Variants in FGD4 observed in about 807,000 individuals in gnomAD.
The protein encoded by FGD4 is FYVE, RhoGEF and PH domain-containing protein 4.
Under a neutral mutation model 102.0 loss-of-function variants are expected in FGD4, and 42 were observed. The ratio of observed to expected loss-of-function variants is 0.41; its 90% CI spans 0.32 to 0.53. FGD4 has a LOEUF of 0.53. Ranked by LOEUF, FGD4 falls within the 20% of genes least tolerant of loss-of-function variation. The pLI, the probability that FGD4 is intolerant of heterozygous loss-of-function variation, is 0.21. For synonymous variants in FGD4, 380 were observed against 375.7 expected (o/e 1.01, Z -0.13); for missense variants, 902 against 1,078.2 (o/e 0.84, Z 2.29).
chr12:32,579,022 A>G (rs969368679), intron 3 of FGD4, among the ~76,000 whole-genome samples: 3 of 146,500 alleles, frequency 2.0e-5, no homozygotes. Context: ...ATGTTTCTAC[A>G]GACCTGAACA....
intron 3 of FGD4, among the ~76,000 whole-genome samples, chr12:32,577,423 G>T (rs1288342329): frequency 6.6e-6 from 1 of 152,192 alleles, no homozygotes; most frequent in Admixed American, 6.5e-5. Context: ...CTTATGTAAT[G>T]AAATCATAGC....
intron 1 of FGD4, among the ~76,000 whole-genome samples, chr12:32,550,626 G>A (rs1390707993): frequency 7.1e-6 from 1 of 140,606 alleles, no homozygotes; most frequent in Non-Finnish European, 1.5e-5. Flanking sequence ...AGCCATGACA[G>A]TGCCACTGCA....
Position 32,518,409 on chromosome 12 carries a change from C to T in FGD4, c.167-45728C>T, listed in dbSNP as rs1396574510. Among the ~76,000 whole-genome samples the T allele has an allele frequency of 3.3e-5, 5 of 152,064 alleles. No individual in the cohort carries two copies. In the East Asian group the frequency reaches 5.8e-4, roughly 18 times the overall value. On this transcript the variant is annotated intron_variant, in intron 1 of 16. Coordinates refer to ENST00000534526, the MANE Select transcript of FGD4 (RefSeq NM_001370298.3). The stretch of plus-strand genomic sequence containing the variant: ...AGGACAATCGCTTGAACCCGGTAGT[C>T]GGAGGTTGTGGTGAGCCAACATAGC...
At chr12:32,417,663 G>A (rs539876498) in intron 1 of FGD4, among the ~76,000 whole-genome samples, 1 of 151,832 alleles carries the variant, frequency 6.6e-6, no homozygotes, top group East Asian at 1.9e-4. Context: ...TCCTCATGTT[G>A]ACCAGGCTGG....
At chr12:32,472,915 G>T (rs1325312159) in intron 1 of FGD4, among the ~76,000 whole-genome samples, 1 of 152,010 alleles carries the variant, frequency 6.6e-6, no homozygotes. Context: ...GTAGCTCAAG[G>T]ATTGTAAATA....
At chr12:32,511,645 G>A (rs1939389383) in intron 1 of FGD4, among the ~76,000 whole-genome samples, 2 of 152,076 alleles carry the variant, frequency 1.3e-5, no homozygotes, top group African/African-American at 4.8e-5. Context: ...GTTAAATGAT[G>A]GCAGTAATAG....
At chr12:32,523,703 G>C (rs781104217) in intron 1 of FGD4, among the ~76,000 whole-genome samples, 7 of 152,228 alleles carry the variant, frequency 4.6e-5, no homozygotes, top group Non-Finnish European at 7.3e-5. Flanking sequence ...GGCCGGGTGC[G>C]GTGGCTCACG....
At chr12:32,519,206 T>C (rs1156266496) in intron 1 of FGD4, among the ~76,000 whole-genome samples, 1 of 151,432 alleles carries the variant, frequency 6.6e-6, no homozygotes, top group Non-Finnish European at 1.5e-5. Flanking sequence ...GACAAGTGTC[T>C]GTCAGTAAAT....
At chr12:32,444,448 A>G (rs1942553116) in intron 1 of FGD4, among the ~76,000 whole-genome samples, 1 of 152,010 alleles carries the variant, frequency 6.6e-6, no homozygotes, top group South Asian at 2.1e-4. Flanking sequence ...CTTGTTGCTC[A>G]GGCTGGAGTG....
At chr12:32,400,104 G>A in intron 1 of FGD4, 145 bp downstream of exon 1, 1 of 1,193,784 alleles carries the variant, frequency 8.4e-7, no homozygotes, top group South Asian at 1.7e-5. Flanking sequence ...GGCTGCGCTC[G>A]GCCACCCACT....
chr12:32,606,300 C>CT (rs11406212), intron 7 of FGD4, among the ~76,000 whole-genome samples: 55,363 of 151,730 alleles, frequency 0.36, 10,501 homozygotes, highest in Middle Eastern at 0.54. Flanking sequence ...TAGTTTCCCC[C>CT]GTCCCCCTAA....
chr12:32,521,390 A>AAAAAG (rs1940540969), intron 1 of FGD4, among the ~76,000 whole-genome samples: 1 of 151,500 alleles, frequency 6.6e-6, no homozygotes, highest in African/African-American at 2.4e-5. Context: ...AAAAAAAAAA[A>AAAAAG]GGACATTGCA....
At chr12:32,423,180 A>G (rs571987560) in intron 1 of FGD4, among the ~76,000 whole-genome samples, 10 of 152,310 alleles carry the variant, frequency 6.6e-5, no homozygotes, top group African/African-American at 2.4e-4. Context: ...TCTTTGGTTT[A>G]TTACTGGGTG....
chr12:32,552,944 ATTTTTTTTT>A (rs71068326), intron 1 of FGD4, among the ~76,000 whole-genome samples: 2 of 123,882 alleles, frequency 1.6e-5, no homozygotes, highest in African/African-American at 6.3e-5. Context: ...CGCCTGGCTA[ATTTTTTTTT>A]TTTTTTTTTT....
intron 1 of FGD4, among the ~76,000 whole-genome samples, chr12:32,452,976 AG>A (rs1942822996): frequency 6.6e-6 from 1 of 151,566 alleles, no homozygotes; most frequent in Non-Finnish European, 1.5e-5. Context: ...CAACAGAGTG[AG>A]ATTCTGTCTC....
chr12:32,561,070 G>GTTGTTTTTTTTTTT (rs1944513356), intron 1 of FGD4, among the ~76,000 whole-genome samples: 1 of 90,788 alleles, frequency 1.1e-5, no homozygotes, highest in Non-Finnish European at 2.2e-5. Context: ...TCTTTGTTGG[G>GTTGTTTTTTTTTTT]TTTTGTTTTT....
At chr12:32,456,431 A>G (rs920564392) in intron 1 of FGD4, among the ~76,000 whole-genome samples, 1 of 152,134 alleles carries the variant, frequency 6.6e-6, no homozygotes, top group Admixed American at 6.6e-5. Flanking sequence ...ATTTCTATTT[A>G]GTGGCTCACA....
chr12:32,546,032 GTC>G (rs990508782), intron 1 of FGD4, among the ~76,000 whole-genome samples: 1 of 152,070 alleles, frequency 6.6e-6, no homozygotes, highest in African/African-American at 2.4e-5. Flanking sequence ...ATGATACACT[GTC>G]TTTATTTTTG....
intron 1 of FGD4, among the ~76,000 whole-genome samples, chr12:32,410,288 A>T (rs376145503): frequency 7.9e-5 from 12 of 151,906 alleles, no homozygotes; most frequent in African/African-American, 2.9e-4. Context: ...AGATTGTGCC[A>T]CTGCACTCCA....
Sources: gnomAD v4.1 joint callset for allele counts (sites outside exome capture counted in the v4.1 genomes callset) on GRCh38, gnomAD v4.1.1 for gene constraint, MANE v1.5 for transcripts, NCBI Gene and HGNC (gene_info 2026-07-23, HGNC 2026-07-21) for gene names.